LRRC4C: variants seen among roughly 807,000 people sequenced by gnomAD.
LRRC4C encodes the protein leucine rich repeat containing 4C, also known as leucine-rich repeat-containing protein 4C.
LRRC4C carries 5 observed loss-of-function variants against 33.6 expected under a neutral mutation model. The observed-to-expected ratio is 0.15, with a 90% CI of 0.08 to 0.31. The LOEUF (loss-of-function observed/expected upper bound fraction) is 0.31. Ranked by LOEUF, LRRC4C falls within the 10% of genes least tolerant of loss-of-function variation. LRRC4C has a pLI of 1.00. For missense variants in LRRC4C, 560 were observed against 796.7 expected (o/e 0.70, Z 3.58); for synonymous variants, 329 against 302.0 (o/e 1.09, Z -0.93).
At chr11:40,201,060 A>G (rs1862709350) in intron 5 of LRRC4C, among the ~76,000 whole-genome samples, 1 of 152,146 alleles carries the variant, frequency 6.6e-6, no homozygotes, top group African/African-American at 2.4e-5. Flanking sequence ...GCTCATGTGC[A>G]CATGCATGCA....
At chr11:40,188,035 AT>A (rs199716396) in intron 5 of LRRC4C, among the ~76,000 whole-genome samples, 3,602 of 152,322 alleles carry the variant, frequency 0.024, 77 homozygotes, top group Middle Eastern at 0.054. Flanking sequence ...AAGGCCCAGT[AT>A]AAAATAACTA....
At chr11:41,387,784 G>T (rs574324588) in intron 1 of LRRC4C, among the ~76,000 whole-genome samples, 77 of 151,746 alleles carry the variant, frequency 5.1e-4, no homozygotes, top group Non-Finnish European at 1.0e-3. Flanking sequence ...TAGCTGCAAT[G>T]GCTAAATATC....
intron 5 of LRRC4C, among the ~76,000 whole-genome samples, chr11:40,203,856 A>G (rs1187550623): frequency 6.6e-6 from 1 of 152,212 alleles, no homozygotes; most frequent in Non-Finnish European, 1.5e-5. Context: ...GCTGCTCCCC[A>G]TTTCCTGATC....
intron 5 of LRRC4C, among the ~76,000 whole-genome samples, chr11:40,212,800 C>A (rs1327962148): frequency 2.0e-5 from 3 of 152,108 alleles, no homozygotes; most frequent in Non-Finnish European, 4.4e-5. Context: ...AGATTGGAAT[C>A]CAAGCAGGGT....
chr11:40,386,074 TAATA>T (rs1304341217), intron 3 of LRRC4C, among the ~76,000 whole-genome samples: 5 of 120,528 alleles, frequency 4.1e-5, no homozygotes, highest in African/African-American at 1.2e-4. Context: ...AAATGAAATA[TAATA>T]AATTAAAAAA....
At chr11:41,265,261 G>A (rs904639513) in intron 1 of LRRC4C, among the ~76,000 whole-genome samples, 2 of 151,976 alleles carry the variant, frequency 1.3e-5, no homozygotes, top group African/African-American at 4.8e-5. Flanking sequence ...ATGTTATTCT[G>A]CTCACTCTGC....
chr11:40,741,911 A>G (rs1362899333), intron 2 of LRRC4C, among the ~76,000 whole-genome samples: 1 of 152,054 alleles, frequency 6.6e-6, no homozygotes, highest in Non-Finnish European at 1.5e-5. Context: ...ATTTCAACTG[A>G]AATAAAGAAA....
intron 2 of LRRC4C, among the ~76,000 whole-genome samples, chr11:40,698,854 T>C (rs72896626): frequency 1.4e-4 from 22 of 152,244 alleles, no homozygotes; most frequent in Non-Finnish European, 2.6e-4. Flanking sequence ...GTCAGGTCTC[T>C]TGAGACGTAT....
At chr11:41,158,239 T>C (rs1944318341) in intron 1 of LRRC4C, among the ~76,000 whole-genome samples, 2 of 152,142 alleles carry the variant, frequency 1.3e-5, no homozygotes, top group South Asian at 4.1e-4. Context: ...AGATCCTGAA[T>C]TATATCCCTG....
chr11:40,341,784 A>C (rs1425671816), intron 3 of LRRC4C, among the ~76,000 whole-genome samples: 2 of 152,246 alleles, frequency 1.3e-5, no homozygotes, highest in African/African-American at 4.8e-5. Flanking sequence ...ATCACTTTTC[A>C]TATCTCAACT....
chr11:40,684,683 C>A (rs1470310749), intron 2 of LRRC4C, among the ~76,000 whole-genome samples: 1 of 150,878 alleles, frequency 6.6e-6, no homozygotes, highest in African/African-American at 2.4e-5. Flanking sequence ...TTGCAATTTA[C>A]CAAATAAATA....
chr11:40,879,509 G>A lies in LRRC4C; in HGVS notation c.-407+54126C>T, dbSNP rs1323926141. On this transcript the variant is annotated intron_variant, in intron 2 of 6. Transcript: ENST00000528697. ...GAGTCCTGTGGGGGAAAACAGAGGG[G>A]AAGTCTGAAACTCTGTCCTCGAAGA... is the stretch of plus-strand genomic sequence containing the variant. Among the ~76,000 whole-genome samples the A allele has an allele frequency of 2.6e-5, 4 of 152,256 alleles. No individual in the cohort carries two copies. The East Asian group carries it at 7.7e-4, about 29-fold the overall frequency.
intron 1 of LRRC4C, among the ~76,000 whole-genome samples, chr11:41,378,929 T>C (rs1953041248): frequency 6.6e-6 from 1 of 151,992 alleles, no homozygotes; most frequent in Admixed American, 6.6e-5. Context: ...AGTTTTTTTT[T>C]TTTGTCTGTT....
intron 1 of LRRC4C, among the ~76,000 whole-genome samples, chr11:40,971,064 T>C (rs1851694322): frequency 6.6e-6 from 1 of 152,210 alleles, no homozygotes; most frequent in South Asian, 2.1e-4. Flanking sequence ...TTGGAAAATT[T>C]GCAGCCTGGC....
At chr11:40,217,181 G>C (rs1455017855) in intron 5 of LRRC4C, among the ~76,000 whole-genome samples, 1 of 152,034 alleles carries the variant, frequency 6.6e-6, no homozygotes, top group Non-Finnish European at 1.5e-5. Context: ...AATATGTATA[G>C]AGTGCTTACT....
chr11:40,179,462 C>T (rs755600199), intron 5 of LRRC4C, among the ~76,000 whole-genome samples: 6 of 152,266 alleles, frequency 3.9e-5, no homozygotes, highest in East Asian at 1.9e-4. Context: ...GAGGCCACAG[C>T]GACCATTAAA....
chr11:40,468,534 G>T (rs1173205020), intron 3 of LRRC4C, among the ~76,000 whole-genome samples: 2,352 of 152,124 alleles, frequency 0.015, 59 homozygotes, highest in African/African-American at 0.053. Flanking sequence ...CAAACAACTG[G>T]GCTTATAGCC....
chr11:41,160,655 TGGTGCAGGTGGCTGGCTA>T (rs1944428920), intron 1 of LRRC4C, among the ~76,000 whole-genome samples: 1 of 152,136 alleles, frequency 6.6e-6, no homozygotes, highest in African/African-American at 2.4e-5. Context: ...TTCTTGAGTA[TGGTGCAGGTGGCTGGCTA>T]TATAAAAATA....
At chr11:40,210,499 T>C (rs2135817631) in intron 5 of LRRC4C, among the ~76,000 whole-genome samples, 1 of 152,106 alleles carries the variant, frequency 6.6e-6, no homozygotes, top group East Asian at 1.9e-4. Flanking sequence ...GTGTTCAGCT[T>C]TCTATTTTGC....
Sources: gnomAD v4.1 joint callset for allele counts (sites outside exome capture counted in the v4.1 genomes callset) on GRCh38, gnomAD v4.1.1 for gene constraint, MANE v1.5 for transcripts, NCBI Gene and HGNC (gene_info 2026-07-23, HGNC 2026-07-21) for gene names.